Variants in RALGAPA2 observed in about 807,000 individuals in gnomAD.
RALGAPA2 encodes Ral GTPase activating protein catalytic subunit alpha 2, also known as ral GTPase-activating protein subunit alpha-2.
In RALGAPA2, 139 loss-of-function variants were observed where a neutral mutation model predicts 230.4. The observed-to-expected ratio is 0.60, with a 90% CI of 0.53 to 0.69. The LOEUF is 0.69. Among genes scored for constraint, RALGAPA2 ranks in the 30% least tolerant of loss-of-function variants. RALGAPA2 has a pLI of 0.00. For synonymous variants in RALGAPA2, 847 were observed against 837.8 expected, an observed-to-expected ratio of 1.01 and a Z score of -0.19; for missense variants, 2,163 against 2,276.0, an observed-to-expected ratio of 0.95 and a Z score of 1.01.
In RALGAPA2 at chr20:20,526,313, A is replaced by G; in HGVS notation, c.3632T>C (p.Leu1211Pro). 6.2e-7 allele frequency: 1 copy of G among 1,608,570 alleles called. No homozygotes were observed. The highest frequency in any genetic ancestry group is 2.2e-5 in the East Asian group (1 of 44,824). Residue 1211 changes from leucine (L) to proline (P), a missense_variant, in exon 28 of 40, where the codon CTG becomes CCG. Coordinates refer to ENST00000202677, the MANE Select transcript of RALGAPA2 (RefSeq NM_020343.4). ...CTGAAGCTTCTCCCAGTAGGAAACC[A>G]GCAACTGAAGGACATCGCAAGCTAC... is the stretch of plus-strand genomic sequence containing the variant. The part of the protein sequence containing the change: ...AQVACDVLQL[L>P]VSYWEKLQMF...
In RALGAPA2 at chr20:20,604,830, G is replaced by C. The variant is rs139824346; in HGVS notation, c.2038+345C>G. Among the ~76,000 whole-genome samples, 682 of 152,296 alleles carry C rather than the reference G, an allele frequency of 4.5e-3. 18 individuals carry two copies. Among genetic ancestry groups the C allele is most frequent in the Admixed American group, 0.039 (604 of 15,302 alleles). Reference sequence around the variant, plus strand: ...AAAGTCTCTGTACTTCAGTTTCTTTGTCTGTGATATGGGGATAATACAAGT... The same window carrying C: ...AAAGTCTCTGTACTTCAGTTTCTTTCTCTGTGATATGGGGATAATACAAGT... On this transcript the variant is annotated intron_variant, in intron 15 of 39. Coordinates refer to ENST00000202677, the MANE Select transcript of RALGAPA2 (RefSeq NM_020343.4).
intron 23 of RALGAPA2, 129 bp downstream of exon 23, chr20:20,571,329 G>A (rs2145917197): frequency 9.5e-7 from 1 of 1,049,638 alleles, no homozygotes; most frequent in South Asian, 1.7e-5. Context: ...CTTGCTGTGT[G>A]TAAAAGAGTT....
chr20:20,586,159 C>T (rs1035598152), intron 18 of RALGAPA2, among the ~76,000 whole-genome samples: 3 of 152,130 alleles, frequency 2.0e-5, no homozygotes, highest in Non-Finnish European at 4.4e-5. Context: ...GCCATAGAAC[C>T]AGATCCTACA....
At position 20,437,674 on chromosome 20, in the gene RALGAPA2, G is replaced by C. The variant is rs1280782626; in HGVS notation, c.5496-25526C>G. 1.3e-5 allele frequency among the ~76,000 whole-genome samples: 2 copies of C among 152,066 alleles called. No homozygotes were observed. Among genetic ancestry groups the C allele is most frequent in the Non-Finnish European group, 2.9e-5 (2 of 68,024 alleles). On this transcript the variant is annotated intron_variant, in intron 37 of 39. Coordinates refer to ENST00000202677, the MANE Select transcript of RALGAPA2 (RefSeq NM_020343.4). This position sits in a 1 kb window ranked among gnomAD's most constrained non-coding sequence, Gnocchi z 4.1. ...TGGCTGCCTCCCTCACCTCCTTCAG[G>C]TCTTTGCTCAAATGCCAGCTTTTCT...
Position 20,712,281 on chromosome 20 carries a change from G to A in RALGAPA2, c.106+94C>T. 22 of 453,344 alleles carry A rather than the reference G, an allele frequency of 4.9e-5. No individual in the cohort carries two copies. Among genetic ancestry groups the A allele is most frequent in the East Asian group, 2.4e-4 (2 of 8,298 alleles). 28.1% of individuals were successfully genotyped at this position (453,344 alleles called of 1,614,324 possible). ...GGACGCCCACCCATCCCCCTCCCCA[G>A]CCTCCCAGCCACCGACCCCTGCACA... On this transcript the variant is annotated intron_variant, in intron 1 of 39. Coordinates refer to ENST00000202677, the MANE Select transcript of RALGAPA2 (RefSeq NM_020343.4). The surrounding 1 kb of genome is among the most constrained non-coding windows in gnomAD (Gnocchi z 5.5).
chr20:20,499,346 T>C (rs946648786), intron 35 of RALGAPA2, among the ~76,000 whole-genome samples: 4 of 152,156 alleles, frequency 2.6e-5, no homozygotes, highest in Admixed American at 1.3e-4. Flanking sequence ...ACAGTCCTAC[T>C]TTACTTAAGA....
At chr20:20,468,666 G>A (rs528866605) in intron 37 of RALGAPA2, among the ~76,000 whole-genome samples, 18 of 139,446 alleles carry the variant, frequency 1.3e-4, no homozygotes, top group African/African-American at 3.5e-4. Context: ...TCCTATTCCC[G>A]TCTTTCTTTA....
intron 37 of RALGAPA2, among the ~76,000 whole-genome samples, chr20:20,416,971 T>G (rs1435430699): frequency 6.6e-6 from 1 of 152,220 alleles, no homozygotes; most frequent in Non-Finnish European, 1.5e-5. Flanking sequence ...CTCAGTTTTC[T>G]TTCTGAACTC....
chr20:20,703,004 C>T (rs1039538649), intron 1 of RALGAPA2, among the ~76,000 whole-genome samples: 3 of 152,078 alleles, frequency 2.0e-5, no homozygotes, highest in African/African-American at 7.2e-5. Flanking sequence ...AAAACCTTGT[C>T]TCTACTAAAA....
intron 21 of RALGAPA2, among the ~76,000 whole-genome samples, chr20:20,572,223 T>C (rs1244062712): frequency 6.6e-6 from 1 of 152,148 alleles, no homozygotes; most frequent in Non-Finnish European, 1.5e-5. Context: ...ATAAGTAACA[T>C]TTTAATGAGT....
At chr20:20,557,371 T>A (rs767605332) in intron 23 of RALGAPA2, among the ~76,000 whole-genome samples, 8 of 151,998 alleles carry the variant, frequency 5.3e-5, no homozygotes, top group Non-Finnish European at 8.8e-5. Context: ...AATATTAAGG[T>A]AAGAATTGCC....
chr20:20,612,839 C>T (rs2066016763), intron 13 of RALGAPA2, among the ~76,000 whole-genome samples: 1 of 152,162 alleles, frequency 6.6e-6, no homozygotes, highest in Admixed American at 6.5e-5. Context: ...AGGGCAGCAC[C>T]TAGTATCACC....
At chr20:20,544,203 C>G (rs372042599) in intron 24 of RALGAPA2, among the ~76,000 whole-genome samples, 1 of 151,920 alleles carries the variant, frequency 6.6e-6, no homozygotes, top group Admixed American at 6.6e-5. Context: ...AAGAGGATCA[C>G]GAGATCAGGA....
At chr20:20,510,992 C>T (rs2062689153) in intron 33 of RALGAPA2, among the ~76,000 whole-genome samples, 1 of 152,150 alleles carries the variant, frequency 6.6e-6, no homozygotes, top group Non-Finnish European at 1.5e-5. Context: ...GAATAAATTT[C>T]TACTGGCAGC....
intron 4 of RALGAPA2, among the ~76,000 whole-genome samples, chr20:20,653,195 C>CAAAAAAAAAAAAAAAAAAA (rs60906434): frequency 7.3e-5 from 2 of 27,528 alleles, no homozygotes; most frequent in Non-Finnish European, 1.5e-4. Flanking sequence ...GACTCCATCT[C>CAAAAAAAAAAAAAAAAAAA]AAAAAAAAAA....
chr20:20,514,972 G>C (rs1457424603), intron 31 of RALGAPA2, among the ~76,000 whole-genome samples: 1 of 152,200 alleles, frequency 6.6e-6, no homozygotes, highest in Non-Finnish European at 1.5e-5. Context: ...CCTGATCGCT[G>C]CCCACTGGAT....
intron 16 of RALGAPA2, among the ~76,000 whole-genome samples, chr20:20,600,767 G>A (rs777465684): frequency 7.2e-5 from 11 of 152,176 alleles, no homozygotes; most frequent in African/African-American, 1.7e-4. Context: ...ATTAAATGCC[G>A]TATACAAGCT....
chr20:20,449,316 AG>A (rs1481436589), intron 37 of RALGAPA2, among the ~76,000 whole-genome samples: 2 of 152,210 alleles, frequency 1.3e-5, no homozygotes, highest in African/African-American at 2.4e-5. Flanking sequence ...GACCATCCCC[AG>A]GGTTGAGGAA....
intron 35 of RALGAPA2, among the ~76,000 whole-genome samples, chr20:20,495,888 G>A (rs1426469333): frequency 6.6e-6 from 1 of 152,194 alleles, no homozygotes; most frequent in African/African-American, 2.4e-5. Context: ...TAGAAGACAT[G>A]TTCACACATA....
Sources: gnomAD v4.1 joint callset for allele counts (sites outside exome capture counted in the v4.1 genomes callset) on GRCh38, gnomAD v4.1.1 for gene constraint, Gnocchi (gnomAD v3.1) non-coding constraint, MANE v1.5 for transcripts, NCBI Gene and HGNC (gene_info 2026-07-23, HGNC 2026-07-21) for gene names.